CSTF3: variants seen among roughly 807,000 people sequenced by gnomAD.
The protein encoded by CSTF3 is CF-1 77 kDa subunit.
A neutral mutation model predicts 105.8 loss-of-function variants in CSTF3; 29 were observed. The ratio of observed to expected loss-of-function variants is 0.27; its 90% CI spans 0.20 to 0.37. The LOEUF is 0.37. Ranked by LOEUF, CSTF3 falls within the 10% of genes least tolerant of loss-of-function variation. CSTF3 has a pLI of 1.00. For missense variants in CSTF3, 357 were observed against 879.3 expected (o/e 0.41, Z 7.51); for synonymous variants, 252 against 281.9 (o/e 0.89, Z 1.06).
intron 3 of CSTF3, among the ~76,000 whole-genome samples, chr11:33,114,978 G>A (rs1855416781): frequency 6.6e-6 from 1 of 152,168 alleles, no homozygotes; most frequent in Non-Finnish European, 1.5e-5. Context: ...AACCATTTGG[G>A]ACAAGTCAAC....
rs761823170 is a variant in CSTF3, at chr11:33,108,368, A to G, written c.258+18T>C. On this transcript the variant is annotated intron_variant, in intron 4 of 20. Transcript: ENST00000323959. The stretch of plus-strand genomic sequence containing the variant: ...AAGTTAAACTTCAATATAAAATTCA[A>G]AGTATTTGAGGACTCACCTTTTCAA... 1.4e-6 allele frequency: 2 copies of G among 1,462,056 alleles called. No individual in the cohort carries two copies. The highest frequency in any genetic ancestry group is 1.8e-6 in the Non-Finnish European group (2 of 1,095,230). The allele number at this position is 1,462,056 out of a possible 1,614,324, so 90.6% of individuals were successfully genotyped here.
Position 33,099,740 on chromosome 11 carries a change from A to G in CSTF3, c.827-23T>C. Reference sequence around the variant, plus strand: ...TAACTAAGGGAAGAAATTAACAAACAATATTCAATTAAAATAATTATTATT... The same window carrying G: ...TAACTAAGGGAAGAAATTAACAAACGATATTCAATTAAAATAATTATTATT... On this transcript the variant is annotated intron_variant, in intron 10 of 20. Transcript: ENST00000323959. The surrounding 1 kb of genome is among the most constrained non-coding windows in gnomAD (Gnocchi z 4.1). The G allele has an allele frequency of 7.2e-7, 1 of 1,386,508 alleles. No individual in the cohort carries two copies. Among genetic ancestry groups the G allele is most frequent in the Non-Finnish European group, 1.0e-6 (1 of 1,001,534 alleles). The allele number at this position is 1,386,508 out of a possible 1,614,324, so 85.9% of individuals were successfully genotyped here. A position where few individuals can be genotyped will look rare whatever the true frequency, so the allele number is the denominator to read the frequency against.
chr11:33,121,100 T>C (rs1855482942), intron 3 of CSTF3, among the ~76,000 whole-genome samples: 1 of 152,102 alleles, frequency 6.6e-6, no homozygotes, highest in African/African-American at 2.4e-5. Flanking sequence ...TGATTTCTAT[T>C]TGAAGCAAAA....
At chr11:33,085,477 T>C (rs1040453056) in intron 20 of CSTF3, among the ~76,000 whole-genome samples, 188 bp from the exon 21 acceptor site, 2 of 152,250 alleles carry the variant, frequency 1.3e-5, no homozygotes, top group Non-Finnish European at 2.9e-5. Context: ...AAGCCAAGCC[T>C]GATAGTGCAT....
intron 5 of CSTF3, 109 bp from the exon 6 acceptor site, chr11:33,106,173 G>T: frequency 2.6e-6 from 2 of 763,606 alleles, no homozygotes; most frequent in Non-Finnish European, 2.2e-6. Context: ...GCTTTGGGAG[G>T]CCGAGGCAGA....
At chr11:33,154,351 A>G (rs1271142361) in intron 1 of CSTF3, among the ~76,000 whole-genome samples, 1 of 152,212 alleles carries the variant, frequency 6.6e-6, no homozygotes, top group African/African-American at 2.4e-5. Flanking sequence ...GGTGGCAACA[A>G]ACCTGTCATT....
chr11:33,094,952 A>G (rs1262858986), intron 15 of CSTF3, among the ~76,000 whole-genome samples: 2 of 152,226 alleles, frequency 1.3e-5, no homozygotes, highest in East Asian at 1.9e-4. Flanking sequence ...AGGCTGGAGT[A>G]CAATGGCGCA....
intron 15 of CSTF3, among the ~76,000 whole-genome samples, chr11:33,096,046 T>C (rs911821440): frequency 5.9e-5 from 9 of 152,132 alleles, no homozygotes; most frequent in African/African-American, 2.2e-4. Flanking sequence ...ACTCTGTGTC[T>C]CCTGACTCTG....
intron 1 of CSTF3, chr11:33,156,822 A>G (rs567104990): frequency 2.7e-6 from 1 of 373,616 alleles, no homozygotes; most frequent in African/African-American, 2.2e-5. Context: ...TAAATAAATA[A>G]TTTTTTTTAA....
At chr11:33,095,827 T>TA (rs200298805) in intron 15 of CSTF3, among the ~76,000 whole-genome samples, 5 of 125,934 alleles carry the variant, frequency 4.0e-5, no homozygotes, top group South Asian at 2.5e-4. Flanking sequence ...CTCAAATAAA[T>TA]AAATAAATAA....
intron 3 of CSTF3, among the ~76,000 whole-genome samples, chr11:33,116,547 A>T (rs1007686062): frequency 1.3e-5 from 2 of 152,162 alleles, no homozygotes; most frequent in Admixed American, 6.6e-5. Context: ...AATAATGAGG[A>T]CATCCAAGCA....
intron 3 of CSTF3, among the ~76,000 whole-genome samples, chr11:33,136,553 T>G (rs527892107): frequency 2.0e-5 from 3 of 152,046 alleles, no homozygotes; most frequent in East Asian, 3.9e-4. Context: ...AACAATCCAT[T>G]AGAAAATATT....
chr11:33,133,594 G>C (rs1291334412), intron 3 of CSTF3, among the ~76,000 whole-genome samples: 1 of 152,200 alleles, frequency 6.6e-6, no homozygotes, highest in Non-Finnish European at 1.5e-5. Flanking sequence ...TGGGTGCAGT[G>C]GCTTACGCCT....
chr11:33,087,248 G>C, intron 17 of CSTF3, 107 bp from the exon 18 acceptor site: 1 of 1,134,238 alleles, frequency 8.8e-7, no homozygotes, highest in Non-Finnish European at 1.3e-6. Flanking sequence ...CAAAACCACA[G>C]AAAGAAAATG....
chr11:33,135,763 T>C (rs1482847667), intron 3 of CSTF3, among the ~76,000 whole-genome samples: 1 of 152,126 alleles, frequency 6.6e-6, no homozygotes, highest in Non-Finnish European at 1.5e-5. Context: ...AACCTTCTTT[T>C]TTCTTCAAAT....
rs569449444 is a variant in CSTF3 at position 33,150,676 on chromosome 11, C to T, written c.28-8690G>A. ...GTTGGAGACCAGCCTGGCAACATTGCGAAACCCCATCTCTACAAAAAACGC... is the reference window on the plus strand; with the variant it reads ...GTTGGAGACCAGCCTGGCAACATTGTGAAACCCCATCTCTACAAAAAACGC... On this transcript the variant is annotated intron_variant, in intron 1 of 20. Coordinates refer to ENST00000323959, the MANE Select transcript of CSTF3 (RefSeq NM_001326.3). Among the ~76,000 whole-genome samples the T allele has an allele frequency of 5.9e-5, 9 of 152,000 alleles. No individual in the cohort carries two copies. The South Asian group carries it at 1.0e-3, about 18-fold the overall frequency.
At chr11:33,116,302 T>C (rs553216981) in intron 3 of CSTF3, among the ~76,000 whole-genome samples, 38 of 152,200 alleles carry the variant, frequency 2.5e-4, no homozygotes, top group African/African-American at 8.9e-4. Flanking sequence ...TATTAAAGAG[T>C]TTATGACCCA....
At chr11:33,108,697 A>G (rs1269082078) in intron 3 of CSTF3, among the ~76,000 whole-genome samples, 2 of 152,240 alleles carry the variant, frequency 1.3e-5, no homozygotes, top group African/African-American at 4.8e-5. Context: ...ATACAGAAAT[A>G]TACACATACC....
intron 1 of CSTF3, among the ~76,000 whole-genome samples, chr11:33,148,486 CAGG>C (rs897198310): frequency 6.6e-6 from 1 of 152,040 alleles, no homozygotes; most frequent in African/African-American, 2.4e-5. Context: ...CACTTCAGGT[CAGG>C]AGTTCAAGAC....
Sources: allele counts gnomAD v4.1 joint callset (sites outside exome capture counted in the v4.1 genomes callset), GRCh38; gene constraint gnomAD v4.1.1; non-coding constraint Gnocchi (gnomAD v3.1); transcripts MANE v1.5; gene names NCBI Gene and HGNC (gene_info 2026-07-23, HGNC 2026-07-21).